TFEC: variants seen among roughly 807,000 people sequenced by gnomAD.
TFEC encodes class E basic helix-loop-helix protein 34.
A neutral mutation model predicts 41.6 loss-of-function variants in TFEC; 31 were observed. The ratio of observed to expected loss-of-function variants is 0.74; its 90% CI spans 0.56 to 1.01. TFEC has a LOEUF of 1.01. TFEC is among the 50% of genes least tolerant of loss of function. The pLI, the probability that TFEC is intolerant of heterozygous loss-of-function variation, is 0.00. For missense variants in TFEC, 402 were observed against 404.1 expected (o/e 0.99, Z 0.04); for synonymous variants, 143 against 140.6 (o/e 1.02, Z -0.12).
At chr7:115,978,335 T>C (rs901273028) in intron 2 of TFEC, among the ~76,000 whole-genome samples, 1 of 152,152 alleles carries the variant, frequency 6.6e-6, no homozygotes, top group Non-Finnish European at 1.5e-5. Context: ...TAAAAATATA[T>C]ACAACTGTCA....
chr7:116,036,332 C>T lies in TFEC; in HGVS notation c.199-51819G>A, dbSNP rs141203194. On this transcript the variant is annotated intron_variant, in intron 3 of 8. Transcript: ENST00000484212. Reference sequence around the variant, plus strand: ...AGTCACTGGTTTCAGGCTGCCTTCACGAACACATTAATTTCCAGGCACATG... The same window carrying T: ...AGTCACTGGTTTCAGGCTGCCTTCATGAACACATTAATTTCCAGGCACATG... Among the ~76,000 whole-genome samples the T allele has an allele frequency of 4.3e-3, 655 of 152,158 alleles. 5 individuals carry two copies. The highest frequency in any genetic ancestry group is 0.015 in the African/African-American group (617 of 41,518).
chr7:116,114,563 G>A (rs892511135), intron 1 of TFEC, among the ~76,000 whole-genome samples: 1 of 151,930 alleles, frequency 6.6e-6, no homozygotes, highest in Non-Finnish European at 1.5e-5. Context: ...TGGATGCTGT[G>A]GGGGTGAAGT....
In TFEC at chr7:115,971,127, C is replaced by G. The variant is rs1450727401; in HGVS notation, c.267+3043G>C. ...GACTACTGCTTTCTTGGTTCTCACT[C>G]TTAGTCTGGGCAATTTGTTGTGGAG... On this transcript the variant is annotated intron_variant, in intron 3 of 7. Coordinates refer to ENST00000265440, the MANE Select transcript of TFEC (RefSeq NM_012252.4). Among the ~76,000 whole-genome samples, 5 of 152,140 alleles carry G rather than the reference C, an allele frequency of 3.3e-5. No individual in the cohort carries two copies. The East Asian group carries it at 7.7e-4, about 24-fold the overall frequency.
chr7:115,956,766 T>C lies in TFEC; in HGVS notation c.295A>G (p.Ser99Gly), dbSNP rs779139320. Reference protein sequence around the residue: ...TLSGSILDVYSGEQGISPINM... With the variant: ...TLSGSILDVYGGEQGISPINM... Reference sequence around the variant, plus strand: ...ATTGGTGAAATTCCTTGTTCACCGCTATACACATCCAAAATACTTCCAGAT... The same window carrying C: ...ATTGGTGAAATTCCTTGTTCACCGCCATACACATCCAAAATACTTCCAGAT... Residue 99 changes from serine (S) to glycine (G), a missense_variant, in exon 4 of 8, where the codon AGC (serine) becomes GGC (glycine). Transcript: ENST00000265440. 1 of 1,593,692 alleles carries C rather than the reference T, an allele frequency of 6.3e-7. No homozygotes were observed. Among genetic ancestry groups the C allele is most frequent in the East Asian group, 2.3e-5 (1 of 44,126 alleles).
rs1424213374 is a variant in TFEC, at chr7:116,080,976, A to AGTGTATGTATGTGTGTGT, written c.198+29731_198+29732insACACACACATACATACAC. On this transcript the variant is annotated intron_variant, in intron 3 of 8. Coordinates refer to the TFEC transcript ENST00000484212. ...ATCAACGAGTGGATAAAGAAAATGT[A>AGTGTATGTATGTGTGTGT]GTGTGTGTGTGTGTGTGTGTGTGTG... Among the ~76,000 whole-genome samples, 634 of 138,006 alleles carry AGTGTATGTATGTGTGTGT rather than the reference A, an allele frequency of 4.6e-3. 7 individuals are homozygous for AGTGTATGTATGTGTGTGT. The highest frequency in any genetic ancestry group is 0.016 in the African/African-American group (580 of 37,000). 90.5% of individuals were successfully genotyped at this position (138,006 alleles called of 152,430 possible). A position where few individuals can be genotyped will look rare whatever the true frequency, so the allele number is the denominator to read the frequency against.
At chr7:116,060,044 T>C (rs1192339684) in intron 3 of TFEC, among the ~76,000 whole-genome samples, 2 of 152,048 alleles carry the variant, frequency 1.3e-5, no homozygotes, top group Admixed American at 6.6e-5. Flanking sequence ...TTAGATCACA[T>C]GAGTGTCTAT....
intron 1 of TFEC, among the ~76,000 whole-genome samples, chr7:116,020,518 TTC>T: frequency 6.6e-6 from 1 of 152,320 alleles, no homozygotes; most frequent in East Asian, 1.9e-4. Context: ...TTCGATTTAG[TTC>T]TCTCTTTTAT....
intron 3 of TFEC, among the ~76,000 whole-genome samples, chr7:116,071,036 AAGAC>A (rs1238873864): frequency 1.3e-5 from 2 of 151,432 alleles, no homozygotes; most frequent in African/African-American, 2.4e-5. Context: ...AAAGAAAAGA[AAGAC>A]AAAGATTCAA....
At chr7:115,979,449 A>T (rs1228832313) in intron 2 of TFEC, among the ~76,000 whole-genome samples, 3 of 151,692 alleles carry the variant, frequency 2.0e-5, no homozygotes, top group African/African-American at 7.3e-5. Context: ...TTATTTGTTA[A>T]TTTTTTCTCT....
intron 1 of TFEC, among the ~76,000 whole-genome samples, chr7:116,118,206 AATC>A (rs1798032395): frequency 6.6e-6 from 1 of 151,790 alleles, no homozygotes; most frequent in African/African-American, 2.4e-5. Flanking sequence ...CCTGTCTCTG[AATC>A]ATCATTCCAT....
At chr7:116,047,613 A>G (rs1037931180) in intron 3 of TFEC, among the ~76,000 whole-genome samples, 1 of 152,224 alleles carries the variant, frequency 6.6e-6, no homozygotes, top group Non-Finnish European at 1.5e-5. Flanking sequence ...AAACTTCTGT[A>G]GACTTAAACC....
At chr7:116,134,759 A>G (rs1487333872) in intron 1 of TFEC, among the ~76,000 whole-genome samples, 1 of 152,198 alleles carries the variant, frequency 6.6e-6, no homozygotes, top group African/African-American at 2.4e-5. Flanking sequence ...ATATTAATGG[A>G]AAACAAAAGG....
At chr7:115,995,349 A>G (rs1794318994) in intron 1 of TFEC, among the ~76,000 whole-genome samples, 1 of 152,194 alleles carries the variant, frequency 6.6e-6, no homozygotes, top group African/African-American at 2.4e-5. Flanking sequence ...TATATTAAAA[A>G]AAACAAAAAT....
At chr7:116,048,636 C>A (rs1265014364) in intron 3 of TFEC, among the ~76,000 whole-genome samples, 2 of 152,066 alleles carry the variant, frequency 1.3e-5, no homozygotes, top group Middle Eastern at 3.2e-3. Context: ...AAGAATGCCA[C>A]AAAGATACTC....
intron 1 of TFEC, among the ~76,000 whole-genome samples, chr7:116,138,764 A>T (rs1798483732): frequency 6.6e-6 from 1 of 152,184 alleles, no homozygotes. Flanking sequence ...GATGAATAAC[A>T]TTTACACAAA....
chr7:115,959,052 T>G (rs1792390473), intron 3 of TFEC, among the ~76,000 whole-genome samples: 2 of 151,788 alleles, frequency 1.3e-5, no homozygotes, highest in African/African-American at 4.8e-5. Context: ...AAAGTCCAAG[T>G]TTTAACTTAA....
chr7:116,140,780 G>A (rs1798524906), intron 1 of TFEC, among the ~76,000 whole-genome samples: 1 of 152,086 alleles, frequency 6.6e-6, no homozygotes, highest in Admixed American at 6.6e-5. Context: ...TGCATTATGT[G>A]CACTGTAGCA....
At chr7:115,987,550 G>C (rs1793913391) in intron 1 of TFEC, among the ~76,000 whole-genome samples, 2 of 152,122 alleles carry the variant, frequency 1.3e-5, no homozygotes, top group Non-Finnish European at 2.9e-5. Context: ...GCACTAAGTG[G>C]TACACTGAAG....
intron 3 of TFEC, among the ~76,000 whole-genome samples, chr7:115,960,916 T>C (rs1051997290): frequency 4.0e-5 from 6 of 151,654 alleles, no homozygotes; most frequent in African/African-American, 1.5e-4. Flanking sequence ...TAAAAAATTA[T>C]TAGGGATAAT....
Sources: allele counts gnomAD v4.1 joint callset (sites outside exome capture counted in the v4.1 genomes callset), GRCh38; gene constraint gnomAD v4.1.1; transcripts MANE v1.5; gene names NCBI Gene and HGNC (gene_info 2026-07-23, HGNC 2026-07-21).